Variants in BICD1 observed in about 807,000 individuals in gnomAD.
BICD1 encodes protein bicaudal D homolog 1.
Under a neutral mutation model 92.5 loss-of-function variants are expected in BICD1, and 35 were observed. That is an observed-to-expected ratio of 0.38 (90% CI 0.29 to 0.50). The LOEUF (loss-of-function observed/expected upper bound fraction) is 0.50, where lower values mean the gene tolerates loss of function less well. Ranked by LOEUF, BICD1 falls within the 20% of genes least tolerant of loss-of-function variation. The pLI, the probability that BICD1 is intolerant of heterozygous loss-of-function variation, is 0.93. For synonymous variants in BICD1, 429 were observed against 465.1 expected, an observed-to-expected ratio of 0.92 and a Z score of 1.00; for missense variants, 950 against 1,189.8, an observed-to-expected ratio of 0.80 and a Z score of 2.97.
chr12:32,316,286 C>CTTTTTT (rs77628895), intron 4 of BICD1, among the ~76,000 whole-genome samples: 1 of 147,406 alleles, frequency 6.8e-6, no homozygotes, highest in Non-Finnish European at 1.5e-5. Flanking sequence ...ATGATATTTT[C>CTTTTTT]TTTTTTTTTT....
At chr12:32,327,407 T>C in intron 4 of BICD1, 54 bp from the exon 5 acceptor site, 1 of 1,535,628 alleles carries the variant, frequency 6.5e-7, no homozygotes, top group Non-Finnish European at 8.8e-7. Flanking sequence ...ATGGATTAAG[T>C]TCATCATTGG....
chr12:32,115,632 A>G (rs1941864339), intron 1 of BICD1, among the ~76,000 whole-genome samples: 2 of 152,198 alleles, frequency 1.3e-5, no homozygotes, highest in South Asian at 4.1e-4. Context: ...TGAGGGTAGC[A>G]TGGATGGTAA....
intron 4 of BICD1, among the ~76,000 whole-genome samples, chr12:32,311,982 G>A (rs1325020837): frequency 2.6e-5 from 4 of 152,112 alleles, no homozygotes; most frequent in African/African-American, 9.7e-5. Flanking sequence ...AAACGCATCC[G>A]ATGAGAATTT....
In BICD1 at chr12:32,216,194, A is replaced by T. The variant is rs116347826; in HGVS notation, c.214-53A>T. ...AAAACATTTTCCCAAGTCTTAAAAG[A>T]GGGTTATGATGCATTTCATTGTGTA... On this transcript the variant is annotated intron_variant, in intron 1 of 9. Coordinates refer to ENST00000652176, the MANE Select transcript of BICD1 (RefSeq NM_001714.4). 1.1e-3 allele frequency: 1,728 copies of T among 1,559,516 alleles called. 13 individuals carry two copies. In the Middle Eastern group the frequency reaches 0.012, roughly 11 times the overall value.
At chr12:32,163,293 A>G (rs1943653618) in intron 1 of BICD1, among the ~76,000 whole-genome samples, 1 of 152,136 alleles carries the variant, frequency 6.6e-6, no homozygotes, top group South Asian at 2.1e-4. Context: ...ATTATGTACT[A>G]GGGTACTGAG....
intron 7 of BICD1, 74 bp from the exon 8 acceptor site, chr12:32,338,712 G>A: frequency 2.5e-6 from 3 of 1,206,670 alleles, no homozygotes; most frequent in Middle Eastern, 2.3e-4. Flanking sequence ...TGTTGTCACT[G>A]GTGAGGCGTT....
At chr12:32,362,759 G>A (rs1219709554) in intron 8 of BICD1, among the ~76,000 whole-genome samples, 2 of 152,156 alleles carry the variant, frequency 1.3e-5, no homozygotes, top group East Asian at 3.9e-4. Context: ...CCTTGGGCAA[G>A]TTAATACACA....
chr12:32,316,135 CA>C lies in BICD1; in HGVS notation c.1005+10031del, dbSNP rs79211021. Among the ~76,000 whole-genome samples the C allele has an allele frequency of 4.0e-3, 583 of 144,346 alleles. 3 individuals are homozygous for C. Among genetic ancestry groups the C allele is most frequent in the African/African-American group, 0.014 (523 of 38,618 alleles). 94.7% of individuals were successfully genotyped at this position (144,346 alleles called of 152,430 possible). ...TGGGCAACAGAGTGAGACCCTGTCT[CA>C]AAAAAAAAAAAAAAAAAGGCTTTGA... On this transcript the variant is annotated intron_variant, in intron 4 of 9. Coordinates refer to ENST00000652176, the MANE Select transcript of BICD1 (RefSeq NM_001714.4).
chr12:32,137,148 G>C (rs1942760637), intron 1 of BICD1, among the ~76,000 whole-genome samples: 1 of 152,106 alleles, frequency 6.6e-6, no homozygotes, highest in African/African-American at 2.4e-5. Flanking sequence ...GATTGCAGTG[G>C]TGTGATTTCA....
intron 1 of BICD1, among the ~76,000 whole-genome samples, chr12:32,195,753 C>A (rs774623603): frequency 1.3e-5 from 2 of 151,862 alleles, no homozygotes; most frequent in African/African-American, 4.8e-5. Context: ...AAAGCACAGG[C>A]AACAAATGCA....
chr12:32,294,058 G>T lies in BICD1; in HGVS notation c.491G>T (p.Arg164Leu). The T allele has an allele frequency of 6.2e-7, 1 of 1,612,826 alleles. No individual in the cohort carries two copies. The highest frequency in any genetic ancestry group is 8.5e-7 in the Non-Finnish European group (1 of 1,179,668). Reference sequence around the variant, plus strand: ...GATGAAATCCGAGAATATAAGTTCCGGGAGGCACGGCTCCTTCAGGACTAT... The same window carrying T: ...GATGAAATCCGAGAATATAAGTTCCTGGAGGCACGGCTCCTTCAGGACTAT... Reference protein sequence around the residue: ...MKDEIREYKFREARLLQDYTE... With the variant: ...MKDEIREYKFLEARLLQDYTE... Residue 164 changes from arginine to leucine, a missense_variant, in exon 3 of 10, where the codon CGG (arginine) becomes CTG (leucine). Arg to Leu is a moderately radical substitution (Grantham distance 102, BLOSUM62 -2). Around this residue, in one of 5 missense-constraint regions of BICD1, gnomAD observed 202 missense variants for 205.3 expected, o/e 0.98. Transcript: ENST00000652176.
chr12:32,114,712 T>C (rs1941827275), intron 1 of BICD1, among the ~76,000 whole-genome samples: 1 of 152,218 alleles, frequency 6.6e-6, no homozygotes, highest in Non-Finnish European at 1.5e-5. Context: ...TGGTTGTTAT[T>C]TTATAGAAGC....
chr12:32,253,074 G>A (rs1946610072), intron 2 of BICD1, among the ~76,000 whole-genome samples: 1 of 151,942 alleles, frequency 6.6e-6, no homozygotes, highest in Non-Finnish European at 1.5e-5. Flanking sequence ...GTAGAGACTG[G>A]GTTTTGCCAT....
At chr12:32,270,119 T>TAAAAAAAA (rs34843444) in intron 2 of BICD1, among the ~76,000 whole-genome samples, 32 of 128,996 alleles carry the variant, frequency 2.5e-4, no homozygotes, top group African/African-American at 9.8e-4. Flanking sequence ...AGACTCCCTC[T>TAAAAAAAA]AAAAAAAAAA....
intron 1 of BICD1, among the ~76,000 whole-genome samples, chr12:32,127,709 C>T (rs1942392143): frequency 7.3e-6 from 1 of 137,524 alleles, no homozygotes; most frequent in African/African-American, 2.7e-5. Context: ...AAGGAAGTGA[C>T]AAGTGTGAAC....
rs140852783 is a variant in BICD1, at chr12:32,224,757, A to C, written c.426+8298A>C. On this transcript the variant is annotated intron_variant, in intron 2 of 9. Transcript: ENST00000652176. ...TGCTCTGTCACCCAGGCTGGAGTGC[A>C]GTGTTGCAATCTCGGCTCACTGCAA... is the stretch of plus-strand genomic sequence containing the variant. Among the ~76,000 whole-genome samples, 870 of 152,262 alleles carry C rather than the reference A, an allele frequency of 5.7e-3. 8 individuals carry two copies. Among genetic ancestry groups the C allele is most frequent in the African/African-American group, 0.02 (827 of 41,538 alleles).
chr12:32,364,223 G>A lies in BICD1; in HGVS notation c.2765-3447G>A, dbSNP rs1451894437. 2.0e-5 allele frequency among the ~76,000 whole-genome samples: 3 copies of A among 152,180 alleles called. No individual in the cohort carries two copies. The East Asian group carries it at 5.8e-4, about 29-fold the overall frequency. ...CCCTGGTGGCCAAACAACAGCAATG[G>A]CTTTGTGGGTTCTACAATGCCTGCT... On this transcript the variant is annotated intron_variant, in intron 8 of 9. Coordinates refer to ENST00000652176, the MANE Select transcript of BICD1 (RefSeq NM_001714.4).
chr12:32,273,759 C>T (rs7977838), intron 2 of BICD1, among the ~76,000 whole-genome samples: 5,804 of 152,164 alleles, frequency 0.038, 378 homozygotes, highest in African/African-American at 0.13. Context: ...GTCACACAAC[C>T]GGAAAAGATT....
chr12:32,234,248 CTT>C (rs1180362076), intron 2 of BICD1, among the ~76,000 whole-genome samples: 1 of 152,122 alleles, frequency 6.6e-6, no homozygotes, highest in African/African-American at 2.4e-5. Flanking sequence ...ATTAAAAGTA[CTT>C]TTTTAGAAAT....
Sources: allele counts gnomAD v4.1 joint callset (sites outside exome capture counted in the v4.1 genomes callset), GRCh38; gene constraint gnomAD v4.1.1; regional missense constraint gnomAD v4.1.1; transcripts MANE v1.5; gene names NCBI Gene and HGNC (gene_info 2026-07-23, HGNC 2026-07-21).